Variants in FCHSD2 observed in about 807,000 individuals in gnomAD.
FCHSD2 encodes the protein FCH and double SH3 domains 2, also known as F-BAR and double SH3 domains protein 2.
A neutral mutation model predicts 108.1 loss-of-function variants in FCHSD2; 38 were observed. The ratio of observed to expected loss-of-function variants is 0.35; its 90% confidence interval spans 0.27 to 0.46. FCHSD2 has a LOEUF of 0.46. FCHSD2 is among the 20% of genes least tolerant of loss of function. The probability of loss-of-function intolerance (pLI) is 1.00; values close to 1 mark genes in which losing one functional copy is unlikely to be tolerated. For missense variants in FCHSD2, 751 were observed against 897.8 expected (o/e 0.84, Z 2.09); for synonymous variants, 279 against 314.7 (o/e 0.89, Z 1.20).
At chr11:73,039,990 G>GA (rs1467935925) in intron 3 of FCHSD2, among the ~76,000 whole-genome samples, 1 of 152,142 alleles carries the variant, frequency 6.6e-6, no homozygotes, top group African/African-American at 2.4e-5. Flanking sequence ...TGTGCCAGTG[G>GA]AAAAAGAAGA....
chr11:73,073,335 A>G (rs1330346843), intron 3 of FCHSD2, among the ~76,000 whole-genome samples: 1 of 152,256 alleles, frequency 6.6e-6, no homozygotes, highest in Non-Finnish European at 1.5e-5. Flanking sequence ...TTCACAAACC[A>G]TACTTAAAAA....
chr11:73,114,365 C>T (rs542301105), intron 2 of FCHSD2, among the ~76,000 whole-genome samples: 7 of 151,350 alleles, frequency 4.6e-5, no homozygotes, highest in South Asian at 2.1e-4. Flanking sequence ...GGTCCAGAAA[C>T]GCTGTCCAAG....
intron 8 of FCHSD2, among the ~76,000 whole-genome samples, chr11:72,952,636 T>C (rs1324516662): frequency 1.3e-5 from 2 of 152,110 alleles, no homozygotes; most frequent in Non-Finnish European, 2.9e-5. Context: ...ATAGTTAATT[T>C]TGGTAAGAAA....
intron 9 of FCHSD2, among the ~76,000 whole-genome samples, chr11:72,915,276 G>A (rs1027254740): frequency 6.6e-6 from 1 of 152,048 alleles, no homozygotes; most frequent in South Asian, 2.1e-4. Context: ...GGAGAAAAAG[G>A]AACACTTTTA....
chr11:72,875,064 T>A (rs1854939281), intron 12 of FCHSD2, among the ~76,000 whole-genome samples: 1 of 152,214 alleles, frequency 6.6e-6, no homozygotes. Flanking sequence ...CATATAAGTG[T>A]AAAGCTATAG....
rs192947505 is a variant in FCHSD2 at position 72,873,679 on chromosome 11, T to G, written c.1147-5653A>C. On this transcript the variant is annotated intron_variant, in intron 12 of 19. Transcript: ENST00000409418. The stretch of plus-strand genomic sequence containing the variant: ...AGGCCACAAAGACTTACCCCTGTGG[T>G]TTTTTTTGTAAGTTTATTAGCTTTC... Among the ~76,000 whole-genome samples the G allele has an allele frequency of 4.8e-3, 732 of 152,108 alleles. 4 individuals are homozygous for G. The highest frequency in any genetic ancestry group is 0.017 in the African/African-American group (709 of 41,490).
chr11:72,839,442 G>C (rs1434974408), intron 19 of FCHSD2, among the ~76,000 whole-genome samples: 1 of 152,214 alleles, frequency 6.6e-6, no homozygotes, highest in African/African-American at 2.4e-5. Context: ...AAGAGTCCAA[G>C]TAAGAAGGCA....
chr11:73,007,379 G>T (rs1396023241), intron 4 of FCHSD2, among the ~76,000 whole-genome samples: 2 of 152,114 alleles, frequency 1.3e-5, no homozygotes, highest in African/African-American at 4.8e-5. Flanking sequence ...CCAGCATTTT[G>T]GGAGGCTGAG....
chr11:72,887,636 T>C (rs1855225874), intron 11 of FCHSD2, 62 bp from the exon 12 acceptor site: 1 of 1,046,110 alleles, frequency 9.6e-7, no homozygotes, highest in African/African-American at 1.7e-5. Flanking sequence ...CCTTAAGTGA[T>C]TAAAGTATTT....
At chr11:73,136,049 A>G (rs2135576915) in intron 2 of FCHSD2, among the ~76,000 whole-genome samples, 1 of 152,096 alleles carries the variant, frequency 6.6e-6, no homozygotes, top group East Asian at 1.9e-4. Context: ...AGTCCTAGGT[A>G]CTTGGGAGGC....
chr11:73,038,154 G>T (rs557335921), intron 3 of FCHSD2, among the ~76,000 whole-genome samples: 1 of 151,952 alleles, frequency 6.6e-6, no homozygotes, highest in Non-Finnish European at 1.5e-5. Context: ...GCCAAGCCTA[G>T]GCAACAAGGA....
chr11:72,953,623 T>C (rs1397452963), intron 8 of FCHSD2, among the ~76,000 whole-genome samples: 13 of 16,200 alleles, frequency 8.0e-4, no homozygotes, highest in Non-Finnish European at 5.0e-3. Context: ...AGACACTGCA[T>C]GGGGGAAAAA....
intron 2 of FCHSD2, among the ~76,000 whole-genome samples, chr11:73,092,150 T>A (rs189719184): frequency 6.6e-5 from 10 of 152,226 alleles, no homozygotes; most frequent in African/African-American, 2.4e-4. Flanking sequence ...TTTTTAGAGG[T>A]AGGGTCTTGC....
intron 3 of FCHSD2, among the ~76,000 whole-genome samples, chr11:73,077,106 A>G (rs1859573749): frequency 6.6e-6 from 1 of 150,752 alleles, no homozygotes. Context: ...TCAAAAAAAA[A>G]AAAAAAAGAA....
intron 10 of FCHSD2, among the ~76,000 whole-genome samples, chr11:72,890,847 A>G (rs1303562786): frequency 6.6e-6 from 1 of 152,160 alleles, no homozygotes; most frequent in African/African-American, 2.4e-5. Flanking sequence ...AATTCTCTCT[A>G]AATTCTTAAA....
At position 73,051,041 on chromosome 11, in the gene FCHSD2, C is replaced by T. The variant is rs1290165547; in HGVS notation, c.165+32654G>A. 6.6e-5 allele frequency among the ~76,000 whole-genome samples: 10 copies of T among 152,196 alleles called. No homozygotes were observed. In the East Asian group the frequency reaches 7.7e-4, roughly 12 times the overall value. ...GAAATATTTTAAAAATCTTGCTGGGCACAGTGGCTCATGCCTGTAATCCCA... is the reference window on the plus strand; with the variant it reads ...GAAATATTTTAAAAATCTTGCTGGGTACAGTGGCTCATGCCTGTAATCCCA... On this transcript the variant is annotated intron_variant, in intron 3 of 19. Transcript: ENST00000409418.
chr11:73,024,091 A>C (rs1201975490), intron 3 of FCHSD2, among the ~76,000 whole-genome samples: 1 of 152,134 alleles, frequency 6.6e-6, no homozygotes, highest in East Asian at 1.9e-4. Flanking sequence ...ACATTTGTCA[A>C]AACCCAAAGA....
chr11:72,862,821 CTTA>C (rs1235321648), intron 13 of FCHSD2, among the ~76,000 whole-genome samples: 2 of 152,146 alleles, frequency 1.3e-5, no homozygotes, highest in African/African-American at 2.4e-5. Flanking sequence ...GAAGTCATGA[CTTA>C]TTATAAAATT....
At chr11:73,061,337 C>A (rs1296229970) in intron 3 of FCHSD2, among the ~76,000 whole-genome samples, 1 of 152,238 alleles carries the variant, frequency 6.6e-6, no homozygotes, top group Non-Finnish European at 1.5e-5. Context: ...CCAGTGCCTA[C>A]CCCACCAGAG....
Sources: allele counts gnomAD v4.1 joint callset (sites outside exome capture counted in the v4.1 genomes callset), GRCh38; gene constraint gnomAD v4.1.1; transcripts MANE v1.5; gene names NCBI Gene and HGNC (gene_info 2026-07-23, HGNC 2026-07-21).